SRGAP1: variants seen among roughly 807,000 people sequenced by gnomAD.
SRGAP1 encodes the protein SLIT-ROBO Rho GTPase-activating protein 1.
In SRGAP1, 43 loss-of-function variants were observed where a neutral mutation model predicts 121.9. The observed-to-expected ratio is 0.35, with a 90% confidence interval of 0.28 to 0.46. The LOEUF (loss-of-function observed/expected upper bound fraction) is 0.46. SRGAP1 is among the 20% of genes least tolerant of loss of function. The pLI, the probability that SRGAP1 is intolerant of heterozygous loss-of-function variation, is 1.00. For synonymous variants in SRGAP1, 447 were observed against 485.4 expected (o/e 0.92, Z 1.04); for missense variants, 1,102 against 1,350.9 (o/e 0.82, Z 2.89).
At chr12:64,066,518 T>C (rs568429353) in intron 8 of SRGAP1, among the ~76,000 whole-genome samples, 1 of 152,288 alleles carries the variant, frequency 6.6e-6, no homozygotes, top group South Asian at 2.1e-4. Context: ...AAGTGAATTA[T>C]CAAAATTCAC....
rs1565706104 is a variant in SRGAP1, at chr12:64,156,879, A to G, written c.*14207A>G. The G allele has an allele frequency of 6.6e-6, 1 of 152,206 alleles. No homozygotes were observed. The highest frequency in any genetic ancestry group is 1.5e-5 in the Non-Finnish European group (1 of 68,040). The allele number at this position is 152,206 out of a possible 1,614,324, so 9.4% of individuals were successfully genotyped here. On this transcript the variant is annotated 3_prime_UTR_variant, in exon 22 of 22. Coordinates refer to ENST00000355086, the MANE Select transcript of SRGAP1 (RefSeq NM_020762.4). The stretch of plus-strand genomic sequence containing the variant: ...GGCGAAAGAACACATTTCTCTAGGA[A>G]AGATTACCTTCTCTGAAGAAGTGAT...
In SRGAP1 at chr12:63,851,591, C is replaced by CT. The variant is rs568426197; in HGVS notation, c.67+6723dup. ...GTTGTCTTCTTTTCTTTCTTTCTTTCTTTTTTTTTTTTTTTAGACCGAGTC... is the reference window on the plus strand; with the variant it reads ...GTTGTCTTCTTTTCTTTCTTTCTTTCTTTTTTTTTTTTTTTTAGACCGAGTC... On this transcript the variant is annotated intron_variant, in intron 1 of 21. Coordinates refer to ENST00000355086, the MANE Select transcript of SRGAP1 (RefSeq NM_020762.4). 5.4e-3 allele frequency among the ~76,000 whole-genome samples: 757 copies of CT among 139,856 alleles called. 4 individuals are homozygous for CT. The highest frequency in any genetic ancestry group is 0.01 in the African/African-American group (390 of 38,456). The allele number at this position is 139,856 out of a possible 152,430, so 91.8% of individuals were successfully genotyped here. A position where few individuals can be genotyped will look rare whatever the true frequency, so the allele number is the denominator to read the frequency against.
Position 63,844,703 on chromosome 12 carries a change from C to T in SRGAP1, c.-114C>T, listed in dbSNP as rs532382342. ...TCCCTCCTCCCTTCCCTCGGGTCGG[C>T]GCTGCCTCTGGATTGCCTGCGTGTG... On this transcript the variant is annotated 5_prime_UTR_variant, in exon 1 of 22. Coordinates refer to ENST00000355086, the MANE Select transcript of SRGAP1 (RefSeq NM_020762.4). This position sits in a 1 kb window ranked among gnomAD's most constrained non-coding sequence, Gnocchi z 4.3. The T allele has an allele frequency of 3.5e-5, 35 of 992,240 alleles. No homozygotes were observed. The African/African-American group carries it at 4.4e-4, about 13-fold the overall frequency. The allele number at this position is 992,240 out of a possible 1,614,324, so 61.5% of individuals were successfully genotyped here. A position where few individuals can be genotyped will look rare whatever the true frequency, so the allele number is the denominator to read the frequency against.
chr12:64,161,063 T>C lies in SRGAP1; in HGVS notation c.*18391T>C, dbSNP rs930123974. On this transcript the variant is annotated 3_prime_UTR_variant, in exon 22 of 22. Coordinates refer to ENST00000355086, the MANE Select transcript of SRGAP1 (RefSeq NM_020762.4). ...TTTTGATTCATTGTACTGAAGACCA[T>C]TTCAGCCCATCTTACACTTTGATTC... 3 of 152,218 alleles carry C rather than the reference T, an allele frequency of 2.0e-5. No homozygotes were observed. Among genetic ancestry groups the C allele is most frequent in the African/African-American group, 7.2e-5 (3 of 41,448 alleles). 9.4% of individuals were successfully genotyped at this position (152,218 alleles called of 1,614,324 possible). A position where few individuals can be genotyped will look rare whatever the true frequency, so the allele number is the denominator to read the frequency against.
At chr12:64,055,234 G>A (rs1245778622) in intron 6 of SRGAP1, among the ~76,000 whole-genome samples, 6 of 144,686 alleles carry the variant, frequency 4.1e-5, no homozygotes, top group Admixed American at 2.1e-4. Flanking sequence ...GCCAAATCAT[G>A]AGTGAACTCC....
chr12:64,060,487 C>G (rs1427277898), intron 6 of SRGAP1, among the ~76,000 whole-genome samples: 2 of 152,214 alleles, frequency 1.3e-5, no homozygotes, highest in East Asian at 3.9e-4. Flanking sequence ...GGATTACAGG[C>G]GTGAGCCACC....
rs781008236 is a variant in SRGAP1 at position 64,043,511 on chromosome 12, C to T, written c.737C>T (p.Thr246Ile). 3.2e-5 allele frequency: 51 copies of T among 1,611,912 alleles called. No individual in the cohort carries two copies. Among genetic ancestry groups the T allele is most frequent in the Non-Finnish European group, 4.1e-5 (48 of 1,178,618 alleles). Residue 246 changes from threonine (T) to isoleucine (I), a missense_variant, in exon 6 of 22, where the codon ACA becomes ATA. Physicochemically the swap from Thr to Ile is moderately conservative, Grantham distance 89 (BLOSUM62 -1). Transcript: ENST00000355086. Reference sequence around the variant, plus strand: ...AAGGCACGGAACGAATATCTCCTAACACTTGAAGCCACCAATGCCTCAGTT... The same window carrying T: ...AAGGCACGGAACGAATATCTCCTAATACTTGAAGCCACCAATGCCTCAGTT... ...SIKARNEYLL[T>I]LEATNASVFK...
chr12:64,088,967 T>C lies in SRGAP1; in HGVS notation c.1436+1941T>C, dbSNP rs576799430. Among the ~76,000 whole-genome samples the C allele has an allele frequency of 3.9e-5, 6 of 152,332 alleles. No individual in the cohort carries two copies. In the South Asian group the frequency reaches 1.2e-3, roughly 32 times the overall value. On this transcript the variant is annotated intron_variant, in intron 11 of 21. Transcript: ENST00000355086. ...CTCCAGATATCACCAGATGTGAAGC[T>C]CTCTTGGACCTTATTGTAATAACCA...
At chr12:64,135,831 G>T (rs760734406) in intron 21 of SRGAP1, among the ~76,000 whole-genome samples, 5 of 152,112 alleles carry the variant, frequency 3.3e-5, no homozygotes, top group Non-Finnish European at 7.3e-5. Context: ...CAGAATTAAT[G>T]GAATACATAT....
At chr12:63,867,251 G>A (rs1276523073) in intron 1 of SRGAP1, among the ~76,000 whole-genome samples, 1 of 152,194 alleles carries the variant, frequency 6.6e-6, no homozygotes, top group Non-Finnish European at 1.5e-5. Flanking sequence ...ATCTCATTGT[G>A]GATCTGAAAT....
At chr12:64,130,165 C>CT (rs1179110718) in intron 21 of SRGAP1, among the ~76,000 whole-genome samples, 1 of 152,178 alleles carries the variant, frequency 6.6e-6, no homozygotes, top group Non-Finnish European at 1.5e-5. Flanking sequence ...CATGCACACT[C>CT]TTTTTTACCT....
In SRGAP1 at chr12:64,152,858, G is replaced by C. The variant is rs949473040; in HGVS notation, c.*10186G>C. 1.4e-5 allele frequency: 2 copies of C among 139,484 alleles called. No individual in the cohort carries two copies. Among genetic ancestry groups the C allele is most frequent in the African/African-American group, 5.3e-5 (2 of 37,654 alleles). The allele number at this position is 139,484 out of a possible 1,614,324, so 8.6% of individuals were successfully genotyped here. On this transcript the variant is annotated 3_prime_UTR_variant, in exon 22 of 22. Transcript: ENST00000355086. ...GGCTCCCTTCCGGGGATCTAGCTGT[G>C]AATGAGACACACAGGGCTCCTGGTC...
rs146287576 is a variant in SRGAP1 at position 63,907,934 on chromosome 12, T to C, written c.67+63051T>C. Among the ~76,000 whole-genome samples the C allele has an allele frequency of 5.7e-4, 87 of 152,350 alleles. No individual in the cohort carries two copies. The East Asian group carries it at 0.011, about 20-fold the overall frequency. ...TTTTTTGCATGTGGATATCCAGTTG[T>C]GCAGCACCATTTGTTGAAAAGACTA... is the stretch of plus-strand genomic sequence containing the variant. On this transcript the variant is annotated intron_variant, in intron 1 of 21. Coordinates refer to ENST00000355086, the MANE Select transcript of SRGAP1 (RefSeq NM_020762.4).
chr12:64,117,265 A>G (rs1460096361), intron 18 of SRGAP1, among the ~76,000 whole-genome samples: 3 of 152,162 alleles, frequency 2.0e-5, no homozygotes, highest in Non-Finnish European at 2.9e-5. Context: ...GTGTTTATTT[A>G]TCTTTTGTAA....
At chr12:64,091,404 C>T (rs2036049720) in intron 12 of SRGAP1, 26 bp downstream of exon 12, 6 of 1,546,136 alleles carry the variant, frequency 3.9e-6, no homozygotes, top group Non-Finnish European at 5.3e-6. Flanking sequence ...ATCTGGGTGG[C>T]TGATCTCCAT....
chr12:63,955,125 C>A (rs529233383), intron 1 of SRGAP1, among the ~76,000 whole-genome samples: 1 of 152,302 alleles, frequency 6.6e-6, no homozygotes, highest in South Asian at 2.1e-4. Flanking sequence ...TGAGACCACC[C>A]TGGCCAACAT....
chr12:64,091,965 T>A (rs1023963140), intron 12 of SRGAP1: 1 of 1,504,228 alleles, frequency 6.6e-7, no homozygotes, highest in Admixed American at 2.0e-5. Context: ...TCTTTCACTG[T>A]TGGTATCATT....
At chr12:63,996,920 A>G (rs557330573) in intron 3 of SRGAP1, among the ~76,000 whole-genome samples, 1 of 152,266 alleles carries the variant, frequency 6.6e-6, no homozygotes, top group East Asian at 1.9e-4. Context: ...ATTTTAGAAA[A>G]TATTTTTAAT....
intron 3 of SRGAP1, among the ~76,000 whole-genome samples, chr12:63,990,682 C>T (rs1462350164): frequency 1.3e-5 from 2 of 152,124 alleles, no homozygotes; most frequent in Non-Finnish European, 2.9e-5. Flanking sequence ...ATAAGATGTT[C>T]CTGCAAATTG....
Sources: gnomAD v4.1 joint callset for allele counts (sites outside exome capture counted in the v4.1 genomes callset) on GRCh38, gnomAD v4.1.1 for gene constraint, Gnocchi (gnomAD v3.1) non-coding constraint, MANE v1.5 for transcripts, NCBI Gene and HGNC (gene_info 2026-07-23, HGNC 2026-07-21) for gene names.